GPC6: variants seen among roughly 807,000 people sequenced by gnomAD.
GPC6 encodes glypican-6.
A neutral mutation model predicts 55.2 loss-of-function variants in GPC6; 14 were observed. The observed-to-expected ratio is 0.25, with a 90% CI of 0.17 to 0.40. GPC6 has a LOEUF of 0.40. Among genes scored for constraint, GPC6 ranks in the 10% least tolerant of loss-of-function variants. The pLI, the probability that GPC6 is intolerant of heterozygous loss-of-function variation, is 1.00. For synonymous variants in GPC6, 278 were observed against 259.6 expected (o/e 1.07, Z -0.68); for missense variants, 641 against 708.5 (o/e 0.90, Z 1.08).
At chr13:93,417,557 T>C (rs1220533109) in intron 1 of GPC6, among the ~76,000 whole-genome samples, 1 of 152,106 alleles carries the variant, frequency 6.6e-6, no homozygotes, top group East Asian at 1.9e-4. Flanking sequence ...ATTACTTCTT[T>C]CATGAAATAA....
At chr13:94,048,126 G>A (rs1035987257) in intron 4 of GPC6, among the ~76,000 whole-genome samples, 1 of 151,962 alleles carries the variant, frequency 6.6e-6, no homozygotes, top group South Asian at 2.1e-4. Context: ...AGATACAAGA[G>A]CTCTGAGGAA....
chr13:93,680,675 T>G (rs902061902), intron 2 of GPC6, among the ~76,000 whole-genome samples: 1 of 152,116 alleles, frequency 6.6e-6, no homozygotes, highest in Non-Finnish European at 1.5e-5. Flanking sequence ...TCCAGTCTGG[T>G]CAGTGGAAGA....
At chr13:93,620,917 T>A (rs1376504073) in intron 2 of GPC6, among the ~76,000 whole-genome samples, 2 of 152,184 alleles carry the variant, frequency 1.3e-5, no homozygotes, top group Admixed American at 1.3e-4. Context: ...TTGTTTTTCA[T>A]CTCATTGGGC....
chr13:94,314,525 T>C (rs772794977), intron 6 of GPC6, among the ~76,000 whole-genome samples: 1 of 152,212 alleles, frequency 6.6e-6, no homozygotes, highest in Non-Finnish European at 1.5e-5. Context: ...GGTGTTTTGG[T>C]AGATTGATTA....
At chr13:93,233,832 A>T (rs1288056574) in intron 1 of GPC6, among the ~76,000 whole-genome samples, 1 of 152,098 alleles carries the variant, frequency 6.6e-6, no homozygotes, top group Non-Finnish European at 1.5e-5. Flanking sequence ...AGGGGGCCCA[A>T]AGGTCAGGTT....
chr13:94,203,794 G>A (rs532164893), intron 4 of GPC6, among the ~76,000 whole-genome samples: 1 of 152,000 alleles, frequency 6.6e-6, no homozygotes, highest in South Asian at 2.1e-4. Flanking sequence ...GTTTCTTCTG[G>A]GAATTCTATC....
chr13:94,368,589 A>G (rs1045428263), intron 6 of GPC6, among the ~76,000 whole-genome samples: 15 of 152,318 alleles, frequency 9.8e-5, no homozygotes, highest in Admixed American at 3.9e-4. Flanking sequence ...ATCAGAAGAT[A>G]TGGATTACAT....
intron 1 of GPC6, among the ~76,000 whole-genome samples, chr13:93,488,070 C>T (rs1879798177): frequency 6.6e-6 from 1 of 152,148 alleles, no homozygotes; most frequent in Admixed American, 6.5e-5. Context: ...GCTGCACCCA[C>T]TAACTCGTCA....
intron 2 of GPC6, among the ~76,000 whole-genome samples, chr13:93,595,359 G>C (rs952982079): frequency 6.6e-6 from 1 of 152,120 alleles, no homozygotes; most frequent in Admixed American, 6.6e-5. Flanking sequence ...GGTTGATTAA[G>C]ATGCAAGTTT....
intron 5 of GPC6, among the ~76,000 whole-genome samples, chr13:94,304,249 G>A (rs907318848): frequency 1.3e-5 from 2 of 152,154 alleles, no homozygotes; most frequent in African/African-American, 2.4e-5. Flanking sequence ...ACAAAGTACC[G>A]CCGCTCTGCA....
At chr13:94,190,787 A>C (rs1040696593) in intron 4 of GPC6, among the ~76,000 whole-genome samples, 2 of 152,232 alleles carry the variant, frequency 1.3e-5, no homozygotes, top group Non-Finnish European at 2.9e-5. Flanking sequence ...TCAAATAGTG[A>C]GAATTATCTC....
intron 1 of GPC6, among the ~76,000 whole-genome samples, chr13:93,474,296 G>A (rs1208531208): frequency 6.6e-6 from 1 of 152,088 alleles, no homozygotes; most frequent in Non-Finnish European, 1.5e-5. Flanking sequence ...ACTATATATG[G>A]ATTCACTTCT....
At chr13:93,904,164 G>A (rs1221963884) in intron 3 of GPC6, among the ~76,000 whole-genome samples, 2 of 152,022 alleles carry the variant, frequency 1.3e-5, no homozygotes, top group Non-Finnish European at 2.9e-5. Flanking sequence ...CAGAATCCTG[G>A]GCTGTCACCA....
rs1889376311 is a variant in GPC6, at chr13:94,191,028, A to C, written c.878-95321A>C. Among the ~76,000 whole-genome samples, 3 of 152,300 alleles carry C rather than the reference A, an allele frequency of 2.0e-5. No homozygotes were observed. In the South Asian group the frequency reaches 6.2e-4, roughly 32 times the overall value. On this transcript the variant is annotated intron_variant, in intron 4 of 8. Coordinates refer to ENST00000377047, the MANE Select transcript of GPC6 (RefSeq NM_005708.5). Reference sequence around the variant, plus strand: ...ATGTTAACAATAGGTGATTTTGGATAAAGAGTATACAAATGTTTTTGTACC... The same window carrying C: ...ATGTTAACAATAGGTGATTTTGGATCAAGAGTATACAAATGTTTTTGTACC...
chr13:94,043,773 A>C (rs1166360699), intron 4 of GPC6, among the ~76,000 whole-genome samples: 1 of 151,862 alleles, frequency 6.6e-6, no homozygotes, highest in Admixed American at 6.6e-5. Flanking sequence ...TACTCCTTTA[A>C]GAAATATATT....
At chr13:93,335,206 A>G (rs183691647) in intron 1 of GPC6, among the ~76,000 whole-genome samples, 89 of 152,348 alleles carry the variant, frequency 5.8e-4, no homozygotes, top group African/African-American at 2.1e-3. Context: ...TGTGTGTTGT[A>G]TGCCGTAAAA....
At chr13:94,294,341 C>T (rs1161736870) in intron 5 of GPC6, among the ~76,000 whole-genome samples, 1 of 151,338 alleles carries the variant, frequency 6.6e-6, no homozygotes, top group Non-Finnish European at 1.5e-5. Context: ...TTCTTACTAC[C>T]GACGAGGGTA....
At chr13:93,267,395 T>A (rs1877360426) in intron 1 of GPC6, among the ~76,000 whole-genome samples, 1 of 149,360 alleles carries the variant, frequency 6.7e-6, no homozygotes. Context: ...AGGAGAGGGT[T>A]TTTTTTTTTA....
At chr13:93,582,215 A>G (rs1876972566) in intron 2 of GPC6, among the ~76,000 whole-genome samples, 3 of 152,238 alleles carry the variant, frequency 2.0e-5, no homozygotes, top group Admixed American at 1.3e-4. Flanking sequence ...GCAGATATTA[A>G]TGATCACTAT....
Sources: allele counts gnomAD v4.1 joint callset (sites outside exome capture counted in the v4.1 genomes callset), GRCh38; gene constraint gnomAD v4.1.1; transcripts MANE v1.5; gene names NCBI Gene and HGNC (gene_info 2026-07-23, HGNC 2026-07-21).